EPB41L1: variants seen among roughly 807,000 people sequenced by gnomAD.
EPB41L1 encodes the protein band 4.1-like protein 1.
In EPB41L1, 29 loss-of-function variants were observed where a neutral mutation model predicts 97.8. The ratio of observed to expected loss-of-function variants is 0.30; its 90% CI spans 0.22 to 0.40. The LOEUF (loss-of-function observed/expected upper bound fraction) is 0.40. Ranked by LOEUF, EPB41L1 falls within the 10% of genes least tolerant of loss-of-function variation. The pLI is 1.00. For missense variants in EPB41L1, 812 were observed against 1,162.3 expected (o/e 0.70, Z 4.38); for synonymous variants, 383 against 459.2 (o/e 0.83, Z 2.12).
At chr20:36,135,876 C>T (rs903724991) in intron 2 of EPB41L1, among the ~76,000 whole-genome samples, 23 of 152,266 alleles carry the variant, frequency 1.5e-4, no homozygotes, top group African/African-American at 2.2e-4. Context: ...GACAACCCCT[C>T]GGTAGGGGCA....
rs559129997 is a variant in EPB41L1 at position 36,189,553 on chromosome 20, C to G, written c.1027-724C>G. On this transcript the variant is annotated intron_variant, in intron 9 of 21. Coordinates refer to ENST00000338074, the MANE Select transcript of EPB41L1 (RefSeq NM_012156.2). ...TTTACCTGAAAGTATCTCCCCCTCT[C>G]GCTTCTCACATAGCTGGTTCCTTCC... Among the ~76,000 whole-genome samples, 16 of 152,292 alleles carry G rather than the reference C, an allele frequency of 1.1e-4. No individual in the cohort carries two copies. In the East Asian group the frequency reaches 3.1e-3, roughly 29 times the overall value.
At chr20:36,149,416 T>C (rs1386994841) in intron 2 of EPB41L1, among the ~76,000 whole-genome samples, 1 of 152,186 alleles carries the variant, frequency 6.6e-6, no homozygotes, top group Non-Finnish European at 1.5e-5. Context: ...TCCCACGGTC[T>C]GGGCTGGATG....
chr20:36,149,955 CA>C (rs2145418559), upstream of EPB41L1: 1 of 152,266 alleles, frequency 6.6e-6, no homozygotes, highest in African/African-American at 2.4e-5. Context: ...ACGTGCAAGC[CA>C]CACGCAATTT....
At chr20:36,107,240 A>G (rs1460723472) in intron 1 of EPB41L1, among the ~76,000 whole-genome samples, 3 of 111,682 alleles carry the variant, frequency 2.7e-5, no homozygotes, top group Admixed American at 1.1e-4. Context: ...TTTGAGAAGG[A>G]CTCTCGCTTT....
intron 1 of EPB41L1, among the ~76,000 whole-genome samples, chr20:36,111,162 A>T (rs572728712): frequency 6.6e-6 from 1 of 152,360 alleles, no homozygotes; most frequent in African/African-American, 2.4e-5. Context: ...ATGAGGAAGT[A>T]AAGTGACTTG....
At chr20:36,136,173 T>C (rs1431802446) in intron 2 of EPB41L1, among the ~76,000 whole-genome samples, 2 of 152,080 alleles carry the variant, frequency 1.3e-5, no homozygotes, top group Non-Finnish European at 2.9e-5. Context: ...TTTACCACCC[T>C]GACCACTTGT....
At chr20:36,144,099 C>T (rs755632311) in intron 2 of EPB41L1, among the ~76,000 whole-genome samples, 25 of 152,104 alleles carry the variant, frequency 1.6e-4, no homozygotes, top group Admixed American at 3.3e-4. Flanking sequence ...GTGATCTGCC[C>T]GCCTCGGCCT....
rs1182630208 is a variant in EPB41L1, at chr20:36,212,698, G to A, written c.2184+322G>A. Among the ~76,000 whole-genome samples the A allele has an allele frequency of 6.6e-6, 1 of 152,206 alleles. No individual in the cohort carries two copies. The highest frequency in any genetic ancestry group is 6.5e-5 in the Admixed American group (1 of 15,290). On this transcript the variant is annotated intron_variant, in intron 16 of 21. Transcript: ENST00000338074. This position sits in a 1 kb window ranked among gnomAD's most constrained non-coding sequence, Gnocchi z 4.8. ...GTACTGACTAGTGGATTGGGACCTT[G>A]GTGTTCACATTGCTTGGAGGAGTTG...
intron 2 of EPB41L1, among the ~76,000 whole-genome samples, chr20:36,112,875 C>A (rs764745483): frequency 1.3e-5 from 2 of 152,180 alleles, no homozygotes; most frequent in African/African-American, 4.8e-5. Context: ...TGGCCCTGCC[C>A]GTTGACTACT....
At chr20:36,170,775 C>T (rs1461307527) in intron 1 of EPB41L1, among the ~76,000 whole-genome samples, 1 of 152,094 alleles carries the variant, frequency 6.6e-6, no homozygotes, top group Non-Finnish European at 1.5e-5. Context: ...TGTCAGTCGT[C>T]TTTTTTGCTC....
At chr20:36,096,565 T>C (rs867133128) in intron 1 of EPB41L1, among the ~76,000 whole-genome samples, 2 of 152,232 alleles carry the variant, frequency 1.3e-5, no homozygotes, top group Non-Finnish European at 2.9e-5. Flanking sequence ...ACTCTTCCCC[T>C]GCTTCTTATC....
rs769092339 is a variant in EPB41L1 at position 36,195,373 on chromosome 20, TG to T, written c.1485+12del. 4.0e-5 allele frequency: 65 copies of T among 1,613,864 alleles called. No individual in the cohort carries two copies. The African/African-American group carries it at 8.3e-4, about 21-fold the overall frequency. On this transcript the variant is annotated intron_variant, in intron 13 of 21. Coordinates refer to ENST00000338074, the MANE Select transcript of EPB41L1 (RefSeq NM_012156.2). The surrounding 1 kb of genome is among the most constrained non-coding windows in gnomAD (Gnocchi z 4.6). ...CGAGACACAAGCAGGAGGTACTGCATGGGACCTGTCCCTCCCTACCCAGCCG... is the reference window on the plus strand; with the variant it reads ...CGAGACACAAGCAGGAGGTACTGCATGGACCTGTCCCTCCCTACCCAGCCG...
At chr20:36,197,781 G>A in intron 13 of EPB41L1, 78 bp from the exon 14 acceptor site, 3 of 1,612,340 alleles carry the variant, frequency 1.9e-6, no homozygotes, top group Non-Finnish European at 2.5e-6. Context: ...GATGGTGACT[G>A]CTGCCATCAT....
Position 36,194,276 on chromosome 20 carries a change from G to A in EPB41L1, c.1365G>A (p.Arg455=). Residue 455 remains arginine (R), a synonymous_variant, in exon 12 of 22, where the codon CGG becomes CGA. Coordinates refer to ENST00000338074, the MANE Select transcript of EPB41L1 (RefSeq NM_012156.2). ...NHDAGPDGDK[R]DEDGESGGQR... is the part of the protein sequence containing the mutation. Reference sequence around the variant, plus strand: ...ATGCAGGGCCTGACGGTGACAAGCGGGATGAGGATGGCGAGTCTGGGGGGC... The same window carrying A: ...ATGCAGGGCCTGACGGTGACAAGCGAGATGAGGATGGCGAGTCTGGGGGGC... The A allele has an allele frequency of 6.2e-7, 1 of 1,614,222 alleles. No homozygotes were observed. The highest frequency in any genetic ancestry group is 2.2e-5 in the East Asian group (1 of 44,874).
intron 1 of EPB41L1, among the ~76,000 whole-genome samples, chr20:36,105,448 T>G (rs2058159047): frequency 1.3e-5 from 2 of 152,150 alleles, no homozygotes; most frequent in African/African-American, 4.8e-5. Flanking sequence ...TTCCTTTCAC[T>G]TCTTCTCCAT....
In EPB41L1 at chr20:36,195,197, G is replaced by A. The variant is rs2062135387; in HGVS notation, c.1450-132G>A. 9.4e-7 allele frequency: 1 copy of A among 1,065,154 alleles called. No individual in the cohort carries two copies. The highest frequency in any genetic ancestry group is 1.4e-6 in the Non-Finnish European group (1 of 701,470). 66.0% of individuals were successfully genotyped at this position (1,065,154 alleles called of 1,614,324 possible). Reference sequence around the variant, plus strand: ...CACTGCCCTGCTGGTGGCCCACCCAGCTGCCCTGGCCTCCACTTGGTCGAG... The same window carrying A: ...CACTGCCCTGCTGGTGGCCCACCCAACTGCCCTGGCCTCCACTTGGTCGAG... On this transcript the variant is annotated intron_variant, in intron 12 of 21. Transcript: ENST00000338074. The surrounding 1 kb of genome is among the most constrained non-coding windows in gnomAD (Gnocchi z 4.6).
chr20:36,154,714 G>GC, upstream of EPB41L1: 1 of 979,314 alleles, frequency 1.0e-6, no homozygotes. The surrounding 1 kb of genome is among the most constrained non-coding windows in gnomAD (Gnocchi z 5.5). Context: ...CGCACGCCGA[G>GC]CCGCCGCCGC....
At chr20:36,175,092 C>T (rs1279147116) in intron 2 of EPB41L1, among the ~76,000 whole-genome samples, 1 of 152,204 alleles carries the variant, frequency 6.6e-6, no homozygotes, top group Non-Finnish European at 1.5e-5. Flanking sequence ...GGAGTTAGGA[C>T]CCGGGGCGGG....
rs1245882739 is a variant in EPB41L1, at chr20:36,154,805, C to T, written c.-106C>T. On this transcript the variant is annotated 5_prime_UTR_variant, in exon 1 of 22. Coordinates refer to ENST00000338074, the MANE Select transcript of EPB41L1 (RefSeq NM_012156.2). The surrounding 1 kb of genome is among the most constrained non-coding windows in gnomAD (Gnocchi z 5.5). Reference sequence around the variant, plus strand: ...CTGCTCCGCAGAGCCCGCCGCGACCCCGCGCCGCCCCGCCCCGCGGCCTGC... The same window carrying T: ...CTGCTCCGCAGAGCCCGCCGCGACCTCGCGCCGCCCCGCCCCGCGGCCTGC... The T allele has an allele frequency of 1.6e-5, 16 of 990,620 alleles. No homozygotes were observed. In the Admixed American group the frequency reaches 1.8e-4, roughly 11 times the overall value. The allele number at this position is 990,620 out of a possible 1,614,324, so 61.4% of individuals were successfully genotyped here.
Sources: gnomAD v4.1 joint callset for allele counts (sites outside exome capture counted in the v4.1 genomes callset) on GRCh38, gnomAD v4.1.1 for gene constraint, Gnocchi (gnomAD v3.1) non-coding constraint, MANE v1.5 for transcripts, NCBI Gene and HGNC (gene_info 2026-07-23, HGNC 2026-07-21) for gene names.